The following OR8J1 variants were observed in gnomAD, a reference collection of about 807,000 sequenced individuals.
OR8J1 encodes the protein olfactory receptor 8J1.
For missense variants in OR8J1, 400 were observed against 373.0 expected, an observed-to-expected ratio of 1.07 and a Z score of -0.60; for synonymous variants, 157 against 144.3, an observed-to-expected ratio of 1.09 and a Z score of -0.63.
chr11:56,359,363 A>G (rs1852602282), intron 1 of OR8J1, among the ~76,000 whole-genome samples: 1 of 152,030 alleles, frequency 6.6e-6, no homozygotes, highest in South Asian at 2.1e-4. Context: ...ATAAAAATAT[A>G]AAAAAGATGA....
intron 1 of OR8J1, among the ~76,000 whole-genome samples, chr11:56,357,162 C>A (rs1176058031): frequency 7.2e-5 from 11 of 152,112 alleles, no homozygotes; most frequent in Admixed American, 6.6e-4. Context: ...CTGCCTCGAG[C>A]TTTTTCAATC....
Position 56,360,255 on chromosome 11 carries a change from T to C in OR8J1, c.9T>C (p.Pro3=). The C allele has an allele frequency of 1.3e-6, 2 of 1,565,056 alleles. No individual in the cohort carries two copies. Among genetic ancestry groups the C allele is most frequent in the Non-Finnish European group, 8.6e-7 (1 of 1,160,844 alleles). The stretch of plus-strand genomic sequence containing the variant: ...AATTTCCAAACTCTGACATGGCTCC[T>C]GAAAATTTCACCAGAGTCACTGAGT... MA[P]ENFTRVTEFI... Residue 3 remains proline, a synonymous_variant, in exon 2 of 2, where the codon CCT becomes CCC. Transcript: ENST00000533152.
rs148720229 is a variant in OR8J1 at position 56,361,182 on chromosome 11, C to T, written c.936C>T (p.Ser312=). ...LQRFMTNLCY[S]FKTM is the part of the protein sequence containing the mutation. ...GATTCATGACAAATCTGTGCTATTC[C>T]TTTAAAACAATGTAATTTTAAACAG... The change falls in exon 2 of 2, where the codon TCC becomes TCT. Residue 312 remains serine (S), a synonymous_variant. Transcript: ENST00000533152. 8.3e-6 allele frequency: 11 copies of T among 1,329,008 alleles called. No homozygotes were observed. The African/African-American group carries it at 1.5e-4, about 18-fold the overall frequency. The allele number at this position is 1,329,008 out of a possible 1,614,324, so 82.3% of individuals were successfully genotyped here. A position where few individuals can be genotyped will look rare whatever the true frequency, so the allele number is the denominator to read the frequency against.
intron 1 of OR8J1, among the ~76,000 whole-genome samples, chr11:56,355,454 C>G (rs1256101491): frequency 2.0e-5 from 3 of 151,986 alleles, no homozygotes; most frequent in African/African-American, 7.2e-5. Context: ...TGGTCAACAC[C>G]CCGTCTCTAC....
chr11:56,358,227 A>G (rs1011748130), intron 1 of OR8J1: 4 of 259,790 alleles, frequency 1.5e-5, no homozygotes, highest in African/African-American at 6.7e-5. Context: ...GCTAAACCAA[A>G]CAATTTTCTA....
intron 1 of OR8J1, chr11:56,357,783 A>G (rs1474961138): frequency 3.6e-6 from 5 of 1,373,472 alleles, no homozygotes; most frequent in Admixed American, 3.4e-5. Context: ...TGCCAGAACT[A>G]CCACTGGCAA....
intron 1 of OR8J1, chr11:56,357,533 G>A (rs148114044): frequency 2.3e-6 from 2 of 855,242 alleles, no homozygotes; most frequent in South Asian, 1.3e-5. Flanking sequence ...GCTGTATAGA[G>A]GGGAATGTGA....
intron 1 of OR8J1, among the ~76,000 whole-genome samples, chr11:56,359,605 A>G (rs1852606222): frequency 6.6e-6 from 1 of 152,136 alleles, no homozygotes; most frequent in South Asian, 2.1e-4. Context: ...CACCAATATT[A>G]TACATTGAAA....
chr11:56,355,213 A>G (rs1363586519), intron 1 of OR8J1, among the ~76,000 whole-genome samples: 1 of 152,002 alleles, frequency 6.6e-6, no homozygotes, highest in Non-Finnish European at 1.5e-5. Flanking sequence ...GTATTTCAAA[A>G]ACACACTTTT....
At chr11:56,356,217 C>T (rs1854965917) in intron 1 of OR8J1, among the ~76,000 whole-genome samples, 2 of 152,074 alleles carry the variant, frequency 1.3e-5, no homozygotes, top group African/African-American at 2.4e-5. Context: ...AGAAGGCTTG[C>T]TCTAAGGAAG....
chr11:56,355,957 G>C (rs61903528), intron 1 of OR8J1, among the ~76,000 whole-genome samples: 2 of 152,136 alleles, frequency 1.3e-5, no homozygotes, highest in African/African-American at 4.8e-5. Context: ...ATCAATAACA[G>C]TGAAGACATG....
rs1046626092 is a variant in OR8J1, at chr11:56,361,427, A to G, written c.*230A>G. 5.3e-6 allele frequency: 2 copies of G among 380,350 alleles called. No homozygotes were observed. Among genetic ancestry groups the G allele is most frequent in the African/African-American group, 4.1e-5 (2 of 48,268 alleles). The allele number at this position is 380,350 out of a possible 1,614,324, so 23.6% of individuals were successfully genotyped here. A position where few individuals can be genotyped will look rare whatever the true frequency, so the allele number is the denominator to read the frequency against. ...ATGTTATTTACCAATTCTGCCTGGGATTAAGCAGGTAGACAGTTTGAAATA... is the reference window on the plus strand; with the variant it reads ...ATGTTATTTACCAATTCTGCCTGGGGTTAAGCAGGTAGACAGTTTGAAATA... On this transcript the variant is annotated 3_prime_UTR_variant, in exon 2 of 2. Transcript: ENST00000533152.
intron 1 of OR8J1, 52 bp from the exon 2 acceptor site, chr11:56,360,175 A>T: frequency 8.4e-7 from 1 of 1,185,828 alleles, no homozygotes; most frequent in Non-Finnish European, 1.2e-6. Flanking sequence ...ATATAAGGGC[A>T]GTCCTGCAAA....
Position 56,356,398 on chromosome 11 carries a change from C to A in OR8J1, c.-21+2073C>A, listed in dbSNP as rs181125065. 3.3e-4 allele frequency among the ~76,000 whole-genome samples: 51 copies of A among 152,248 alleles called. No individual in the cohort carries two copies. In the East Asian group the frequency reaches 8.1e-3, roughly 24 times the overall value. On this transcript the variant is annotated intron_variant, in intron 1 of 1. Coordinates refer to ENST00000533152, the MANE Select transcript of OR8J1 (RefSeq NM_001005205.3). The stretch of plus-strand genomic sequence containing the variant: ...AATAAATCATAAAGCCAGTACAGCA[C>A]CAGGTTTCAGCAGAAACAGAGTATC...
intron 1 of OR8J1, among the ~76,000 whole-genome samples, chr11:56,359,419 AT>A (rs1852604421): frequency 2.0e-5 from 3 of 151,980 alleles, no homozygotes; most frequent in Admixed American, 2.0e-4. Context: ...AGTGGTAAAA[AT>A]AATATCTAAT....
chr11:56,361,147 G>T lies in OR8J1; in HGVS notation c.901G>T (p.Ala301Ser). Residue 301 changes from alanine (A) to serine (S), a missense_variant, in exon 2 of 2, where the codon GCT becomes TCT. Coordinates refer to ENST00000533152, the MANE Select transcript of OR8J1 (RefSeq NM_001005205.3). ...CCTGAGGAATAAGGATGTGAAGACTGCTCTACAGAGATTCATGACAAATCT... is the reference window on the plus strand; with the variant it reads ...CCTGAGGAATAAGGATGTGAAGACTTCTCTACAGAGATTCATGACAAATCT... ...YSLRNKDVKTALQRFMTNLCY... is the reference protein window; with the variant it reads ...YSLRNKDVKTSLQRFMTNLCY... The T allele has an allele frequency of 6.9e-7, 1 of 1,441,138 alleles. No homozygotes were observed. 89.3% of individuals were successfully genotyped at this position (1,441,138 alleles called of 1,614,324 possible).
rs1852618771 is a variant in OR8J1, at chr11:56,360,451, A to G, written c.205A>G (p.Ile69Val). 6.2e-7 allele frequency: 1 copy of G among 1,613,984 alleles called. No homozygotes were observed. The highest frequency in any genetic ancestry group is 1.3e-5 in the African/African-American group (1 of 74,910). The change falls in exon 2 of 2, where the codon ATT becomes GTT. Residue 69 changes from isoleucine (I) to valine (V), a missense_variant. By Grantham distance (29) the Ile-to-Val change is conservative. Transcript: ENST00000533152. ...CTTTTTCCTGCAACATCTGGCTCTCATTAATCTTGGTAACTCTACTGTCAT... is the reference window on the plus strand; with the variant it reads ...CTTTTTCCTGCAACATCTGGCTCTCGTTAATCTTGGTAACTCTACTGTCAT... ...MYFFLQHLAL[I>V]NLGNSTVIAP...
intron 1 of OR8J1, among the ~76,000 whole-genome samples, chr11:56,359,098 T>C (rs1852599696): frequency 6.6e-6 from 1 of 152,106 alleles, no homozygotes; most frequent in African/African-American, 2.4e-5. Flanking sequence ...CTCTGTAACT[T>C]AACTCCACAT....
At chr11:56,358,412 C>A (rs953508621) in intron 1 of OR8J1, among the ~76,000 whole-genome samples, 2 of 152,274 alleles carry the variant, frequency 1.3e-5, no homozygotes, top group Non-Finnish European at 1.5e-5. Flanking sequence ...AACTTATTTT[C>A]TACCTCATAC....
Sources: allele counts gnomAD v4.1 joint callset (sites outside exome capture counted in the v4.1 genomes callset), GRCh38; gene constraint gnomAD v4.1.1; transcripts MANE v1.5; gene names NCBI Gene and HGNC (gene_info 2026-07-23, HGNC 2026-07-21).